The following ANKS1B variants were observed in gnomAD, a reference collection of about 807,000 sequenced individuals.
ANKS1B encodes ankyrin repeat and sterile alpha motif domain containing 1B, also known as ankyrin repeat and sterile alpha motif domain-containing protein 1B.
ANKS1B carries 36 observed loss-of-function variants against 148.3 expected under a neutral mutation model. That is an observed-to-expected ratio of 0.24 (90% confidence interval 0.19 to 0.32). ANKS1B has a LOEUF of 0.32. Ranked by LOEUF, ANKS1B falls within the 10% of genes least tolerant of loss-of-function variation. The pLI, the probability that ANKS1B is intolerant of heterozygous loss-of-function variation, is 1.00. For synonymous variants in ANKS1B, 542 were observed against 560.8 expected, an observed-to-expected ratio of 0.97 and a Z score of 0.47; for missense variants, 1,157 against 1,542.6, an observed-to-expected ratio of 0.75 and a Z score of 4.19.
chr12:99,821,046 T>C (rs965396380), intron 2 of ANKS1B, among the ~76,000 whole-genome samples: 1 of 152,034 alleles, frequency 6.6e-6, no homozygotes, highest in Admixed American at 6.6e-5. Context: ...ACATACACTC[T>C]ATATGAAATT....
intron 19 of ANKS1B, among the ~76,000 whole-genome samples, chr12:98,826,753 T>G (rs951073536): frequency 1.3e-5 from 2 of 152,270 alleles, no homozygotes; most frequent in East Asian, 3.9e-4. Context: ...AGAAACTCCT[T>G]GGGAAAGAAC....
intron 17 of ANKS1B, among the ~76,000 whole-genome samples, chr12:99,018,868 G>A (rs778484068): frequency 2.6e-4 from 39 of 152,146 alleles, no homozygotes; most frequent in Non-Finnish European, 4.6e-4. Context: ...ATTTGAACCC[G>A]GGAGGCAGAG....
chr12:99,622,173 G>T (rs1289034105), intron 9 of ANKS1B, among the ~76,000 whole-genome samples: 1 of 151,870 alleles, frequency 6.6e-6, no homozygotes, highest in African/African-American at 2.4e-5. Flanking sequence ...ACAAAAAGCA[G>T]AAATCAAAAA....
At chr12:99,067,981 T>C (rs1347490439) in intron 16 of ANKS1B, among the ~76,000 whole-genome samples, 4 of 152,104 alleles carry the variant, frequency 2.6e-5, no homozygotes, top group Non-Finnish European at 4.4e-5. Context: ...GCTCTATTTA[T>C]GGGAATCCCC....
intron 25 of ANKS1B, among the ~76,000 whole-genome samples, chr12:98,772,803 G>A (rs1210798687): frequency 2.0e-5 from 3 of 152,246 alleles, no homozygotes; most frequent in East Asian, 3.9e-4. Context: ...CAAACCTGCC[G>A]ACACATTGGT....
In ANKS1B at chr12:99,525,146, G is replaced by A. The variant is rs77379862; in HGVS notation, c.1273-20505C>T. ...ACTAAATGTGTGGTAATTTGTTACA[G>A]CAGCGTTAGGAAACAAATGCAATAA... On this transcript the variant is annotated intron_variant, in intron 9 of 26. Coordinates refer to ENST00000683438, the MANE Select transcript of ANKS1B (RefSeq NM_001352186.2). Among the ~76,000 whole-genome samples the A allele has an allele frequency of 7.9e-3, 1,201 of 152,204 alleles. 11 individuals carry two copies. The highest frequency in any genetic ancestry group is 0.027 in the African/African-American group (1,119 of 41,510).
chr12:99,939,067 G>A (rs138585235), intron 1 of ANKS1B, among the ~76,000 whole-genome samples: 2 of 152,140 alleles, frequency 1.3e-5, no homozygotes, highest in East Asian at 3.9e-4. Context: ...ACCAGAGTAG[G>A]CTTATATATC....
intron 15 of ANKS1B, among the ~76,000 whole-genome samples, chr12:99,145,019 G>A (rs1008751370): frequency 5.9e-5 from 9 of 152,110 alleles, no homozygotes; most frequent in African/African-American, 2.2e-4. Flanking sequence ...CTATGTGCTA[G>A]TAACTGGGAA....
chr12:99,020,103 T>C (rs949212489), intron 17 of ANKS1B, among the ~76,000 whole-genome samples: 1 of 151,910 alleles, frequency 6.6e-6, no homozygotes, highest in African/African-American at 2.4e-5. Context: ...ATACACAACA[T>C]AAACTTTCCC....
rs182607602 is a variant in ANKS1B, at chr12:99,890,004, G to A, written c.135-64615C>T. Reference sequence around the variant, plus strand: ...AGAACTGTCATAGTTGAAAACCACTGGACTGGCACATGAGAGCCTGATTTC... The same window carrying A: ...AGAACTGTCATAGTTGAAAACCACTAGACTGGCACATGAGAGCCTGATTTC... On this transcript the variant is annotated intron_variant, in intron 1 of 26. Transcript: ENST00000683438. 2.0e-5 allele frequency among the ~76,000 whole-genome samples: 3 copies of A among 152,112 alleles called. No individual in the cohort carries two copies. In the East Asian group the frequency reaches 5.8e-4, roughly 29 times the overall value.
chr12:99,081,416 G>A (rs907962752), intron 16 of ANKS1B, among the ~76,000 whole-genome samples: 1 of 152,140 alleles, frequency 6.6e-6, no homozygotes, highest in Non-Finnish European at 1.5e-5. Context: ...ACAAAATGAA[G>A]AGACATTTTG....
At chr12:99,627,940 C>T (rs1412125343) in intron 9 of ANKS1B, among the ~76,000 whole-genome samples, 1 of 152,120 alleles carries the variant, frequency 6.6e-6, no homozygotes, top group Non-Finnish European at 1.5e-5. Flanking sequence ...AAGTACCCAT[C>T]TCGCATTCCA....
intron 1 of ANKS1B, among the ~76,000 whole-genome samples, chr12:99,885,310 C>CTTT (rs369104539): frequency 3.1e-5 from 4 of 129,924 alleles, no homozygotes; most frequent in South Asian, 4.9e-4. Context: ...TTCTCATGTC[C>CTTT]TTTTTTTTTT....
chr12:99,949,858 T>A (rs2095168913), intron 1 of ANKS1B, among the ~76,000 whole-genome samples: 1 of 152,092 alleles, frequency 6.6e-6, no homozygotes, highest in South Asian at 2.1e-4. Flanking sequence ...TAGCAAAGAC[T>A]ATGTGGTCCA....
Position 98,801,844 on chromosome 12 carries a change from G to T in ANKS1B, c.3142-719C>A, listed in dbSNP as rs1357013871. Among the ~76,000 whole-genome samples the T allele has an allele frequency of 6.6e-6, 1 of 152,154 alleles. No homozygotes were observed. The highest frequency in any genetic ancestry group is 1.5e-5 in the Non-Finnish European group (1 of 68,022). Reference sequence around the variant, plus strand: ...AATACAAGCACATTCCCAAATGATGGTATATCATATGATACAGACCTAAAA... The same window carrying T: ...AATACAAGCACATTCCCAAATGATGTTATATCATATGATACAGACCTAAAA... On this transcript the variant is annotated intron_variant, in intron 20 of 26. Transcript: ENST00000683438. This position sits in a 1 kb window ranked among gnomAD's most constrained non-coding sequence, Gnocchi z 5.2.
At chr12:99,732,302 T>C (rs1238439328) in intron 8 of ANKS1B, among the ~76,000 whole-genome samples, 1 of 152,180 alleles carries the variant, frequency 6.6e-6, no homozygotes, top group Non-Finnish European at 1.5e-5. Flanking sequence ...CACTCTTACA[T>C]GTTTACCCAA....
At chr12:99,289,269 G>C (rs2079574200) in intron 12 of ANKS1B, among the ~76,000 whole-genome samples, 1 of 151,958 alleles carries the variant, frequency 6.6e-6, no homozygotes, top group African/African-American at 2.4e-5. Context: ...GATATGTAAA[G>C]CAAATATTAT....
intron 12 of ANKS1B, among the ~76,000 whole-genome samples, chr12:99,313,275 C>A (rs1396183945): frequency 2.0e-5 from 3 of 152,022 alleles, no homozygotes; most frequent in Admixed American, 1.3e-4. Context: ...GCAGTAATAG[C>A]CTATCAACTA....
chr12:98,860,741 G>A lies in ANKS1B; in HGVS notation c.2779-28605C>T, dbSNP rs539563585. On this transcript the variant is annotated intron_variant, in intron 17 of 26. Coordinates refer to ENST00000683438, the MANE Select transcript of ANKS1B (RefSeq NM_001352186.2). ...CTGTCAGGGGTCAGGGGGAGGGAGA[G>A]CATCAGGATAAACAGCTAATGCATG... 2.7e-3 allele frequency among the ~76,000 whole-genome samples: 405 copies of A among 152,282 alleles called. 10 individuals carry two copies. Among genetic ancestry groups the A allele is most frequent in the South Asian group, 1.5e-3 (7 of 4,826 alleles).
Sources: allele counts gnomAD v4.1 joint callset (sites outside exome capture counted in the v4.1 genomes callset), GRCh38; gene constraint gnomAD v4.1.1; non-coding constraint Gnocchi (gnomAD v3.1); transcripts MANE v1.5; gene names NCBI Gene and HGNC (gene_info 2026-07-23, HGNC 2026-07-21).